The following TFRC variants were observed in gnomAD, a reference collection of about 807,000 sequenced individuals.
The protein encoded by TFRC is transferrin receptor protein 1.
Under a neutral mutation model 85.8 loss-of-function variants are expected in TFRC, and 35 were observed. The ratio of observed to expected loss-of-function variants is 0.41; its 90% CI spans 0.31 to 0.54. The LOEUF is 0.54. Ranked by LOEUF, TFRC falls within the 20% of genes least tolerant of loss-of-function variation. The probability of loss-of-function intolerance (pLI) is 0.31; values close to 1 mark genes in which losing one functional copy is unlikely to be tolerated. For synonymous variants in TFRC, 362 were observed against 328.6 expected (o/e 1.10, Z -1.10); for missense variants, 828 against 921.5 (o/e 0.90, Z 1.31).
chr3:196,054,944 T>A (rs1232472937), intron 17 of TFRC, 136 bp downstream of exon 17: 1 of 879,166 alleles, frequency 1.1e-6, no homozygotes, highest in Non-Finnish European at 1.8e-6. Context: ...CAATTCTACA[T>A]ACAATTATAC....
chr3:196,065,432 G>GGGGGGGGGGGGTTAA lies in TFRC; in HGVS notation c.1198+10_1198+11insTTAACCCCCCCCCCC. The GGGGGGGGGGGGTTAA allele has an allele frequency of 4.9e-6, 2 of 406,856 alleles. No individual in the cohort carries two copies. The highest frequency in any genetic ancestry group is 3.3e-6 in the Non-Finnish European group (1 of 306,808). 25.2% of individuals were successfully genotyped at this position (406,856 alleles called of 1,614,324 possible). A position where few individuals can be genotyped will look rare whatever the true frequency, so the allele number is the denominator to read the frequency against. On this transcript the variant is annotated intron_variant, in intron 10 of 18. Transcript: ENST00000360110. ...AAAAGCGGGGCGGGGGGGGGGGGGG[G>GGGGGGGGGGGGTTAA]CGGTCTTTACCTGGTTCTACAAAGC...
intron 2 of TFRC, among the ~76,000 whole-genome samples, chr3:196,076,472 C>G (rs1391528110): frequency 2.1e-5 from 3 of 143,636 alleles, no homozygotes; most frequent in African/African-American, 7.8e-5. Context: ...TTTTTTGAGA[C>G]GGAGTCTCAC....
intron 16 of TFRC, among the ~76,000 whole-genome samples, chr3:196,056,835 T>C (rs1716836541): frequency 6.6e-6 from 1 of 152,030 alleles, no homozygotes; most frequent in Non-Finnish European, 1.5e-5. Flanking sequence ...ATAACTTTTT[T>C]TTTTGAGACA....
chr3:196,080,601 C>T (rs1719087201), intron 1 of TFRC, among the ~76,000 whole-genome samples: 1 of 152,244 alleles, frequency 6.6e-6, no homozygotes, highest in African/African-American at 2.4e-5. Context: ...TGCTCCATGA[C>T]ATTTAAATAC....
intron 17 of TFRC, among the ~76,000 whole-genome samples, chr3:196,054,397 C>T (rs1318718277): frequency 6.6e-6 from 1 of 151,700 alleles, no homozygotes; most frequent in African/African-American, 2.4e-5. Context: ...AAGAGCGAGA[C>T]TTCATCTCTC....
intron 4 of TFRC, among the ~76,000 whole-genome samples, chr3:196,073,130 G>A (rs1385081233): frequency 6.6e-6 from 1 of 151,286 alleles, no homozygotes; most frequent in African/African-American, 2.4e-5. Flanking sequence ...TGAGGTAGGA[G>A]AATTGCTTAA....
At chr3:196,081,458 G>A (rs1560096137) in intron 1 of TFRC, among the ~76,000 whole-genome samples, 1 of 152,350 alleles carries the variant, frequency 6.6e-6, no homozygotes, top group Admixed American at 6.5e-5. Flanking sequence ...AGTGAGAACG[G>A]GGCCCGCCCG....
At chr3:196,078,325 C>T (rs1425020782) in intron 1 of TFRC, among the ~76,000 whole-genome samples, 1 of 152,102 alleles carries the variant, frequency 6.6e-6, no homozygotes, top group Non-Finnish European at 1.5e-5. Flanking sequence ...GTGAGGTATA[C>T]GCAAATTGTA....
At chr3:196,081,378 G>A (rs1315708243) in intron 1 of TFRC, among the ~76,000 whole-genome samples, 2 of 152,276 alleles carry the variant, frequency 1.3e-5, no homozygotes, top group African/African-American at 4.8e-5. Context: ...TAAGTTTACA[G>A]AAACCCGTAT....
At position 196,050,786 on chromosome 3, in the gene TFRC, G is replaced by A. The variant is rs563823994; in HGVS notation, c.*1156C>T. On this transcript the variant is annotated 3_prime_UTR_variant, in exon 19 of 19. Coordinates refer to ENST00000360110, the MANE Select transcript of TFRC (RefSeq NM_001128148.3). ...CAGCATTCTTATCTGGTCAGTGCTCGCTTCTTAGCAACCCCTAATTAAATT... is the reference window on the plus strand; with the variant it reads ...CAGCATTCTTATCTGGTCAGTGCTCACTTCTTAGCAACCCCTAATTAAATT... 1.1e-4 allele frequency: 22 copies of A among 203,766 alleles called. No individual in the cohort carries two copies. In the East Asian group the frequency reaches 1.5e-3, roughly 14 times the overall value. 12.6% of individuals were successfully genotyped at this position (203,766 alleles called of 1,614,324 possible).
At chr3:196,055,343 A>C in intron 16 of TFRC, 42 bp from the exon 17 acceptor site, 4 of 1,535,036 alleles carry the variant, frequency 2.6e-6, no homozygotes, top group Non-Finnish European at 3.6e-6. Context: ...GTGAGTTCTA[A>C]GAGCAAGAGC....
chr3:196,053,523 A>G lies in TFRC; in HGVS notation c.1935T>C (p.Ala645=). The change falls in exon 18 of 19, where the codon GCT becomes GCC. Residue 645 remains alanine (A), a synonymous_variant. Transcript: ENST00000360110. ...AAGTAGCACGGAAGAAGTCTCCACG[A>G]GCAGAATACAGCCACTGTAAACTCA... ...MGLSLQWLYS[A]RGDFFRATSR... The G allele has an allele frequency of 1.9e-6, 3 of 1,614,212 alleles. No homozygotes were observed. The highest frequency in any genetic ancestry group is 2.5e-6 in the Non-Finnish European group (3 of 1,180,034).
rs183836236 is a variant in TFRC, at chr3:196,054,161, C to G, written c.1900-603G>C. Among the ~76,000 whole-genome samples the G allele has an allele frequency of 3.3e-5, 5 of 152,184 alleles. No individual in the cohort carries two copies. The East Asian group carries it at 9.7e-4, about 29-fold the overall frequency. The stretch of plus-strand genomic sequence containing the variant: ...GCTTAGGCAGGAGAATGGCGTGAAC[C>G]CGGGAGGCGCATCTTACAGTGAGCC... On this transcript the variant is annotated intron_variant, in intron 17 of 18. Transcript: ENST00000360110.
At chr3:196,059,533 G>T (rs1717093005) in intron 14 of TFRC, among the ~76,000 whole-genome samples, 1 of 152,008 alleles carries the variant, frequency 6.6e-6, no homozygotes, top group African/African-American at 2.4e-5. Flanking sequence ...TCTGCTATCT[G>T]ACCTGTTTCT....
intron 1 of TFRC, among the ~76,000 whole-genome samples, chr3:196,079,684 A>AC (rs1719004460): frequency 6.6e-6 from 1 of 152,204 alleles, no homozygotes; most frequent in African/African-American, 2.4e-5. Context: ...GTGACTGAAA[A>AC]CAACAATTCA....
intron 6 of TFRC, among the ~76,000 whole-genome samples, chr3:196,070,263 T>C (rs1019523400): frequency 1.1e-5 from 1 of 92,466 alleles, no homozygotes; most frequent in African/African-American, 3.3e-5. Context: ...CTTACAAATG[T>C]GATTTTTTTT....
chr3:196,069,469 T>C lies in TFRC; in HGVS notation c.787A>G (p.Thr263Ala), dbSNP rs746137110. The C allele has an allele frequency of 6.2e-7, 1 of 1,609,148 alleles. No homozygotes were observed. Among genetic ancestry groups the C allele is most frequent in the Non-Finnish European group, 8.5e-7 (1 of 1,176,178 alleles). Residue 263 changes from threonine (T) to alanine (A), a missense_variant, in exon 7 of 19, where the codon ACC becomes GCC. Coordinates refer to ENST00000360110, the MANE Select transcript of TFRC (RefSeq NM_001128148.3). Reference protein sequence around the residue: ...SIVIVRAGKITFAEKVANAES... With the variant: ...SIVIVRAGKIAFAEKVANAES... ...CTCATACTCACCTTTTCTGCAAAGG[T>C]GATTTTCCCTGCTCTGACAATCACT...
At chr3:196,076,834 C>T (rs561590921) in intron 2 of TFRC, among the ~76,000 whole-genome samples, 3 of 152,136 alleles carry the variant, frequency 2.0e-5, no homozygotes, top group Admixed American at 2.0e-4. Context: ...AAGCTGTCCC[C>T]GTCTACCACA....
At chr3:196,057,732 G>C (rs530850948) in intron 16 of TFRC, among the ~76,000 whole-genome samples, 17 of 147,200 alleles carry the variant, frequency 1.2e-4, no homozygotes, top group Admixed American at 3.4e-4. Flanking sequence ...AGTGAGCCAT[G>C]ATCGGGCCAC....
Sources: allele counts gnomAD v4.1 joint callset (sites outside exome capture counted in the v4.1 genomes callset), GRCh38; gene constraint gnomAD v4.1.1; transcripts MANE v1.5; gene names NCBI Gene and HGNC (gene_info 2026-07-23, HGNC 2026-07-21).